The following BCL9 variants were observed in gnomAD, a reference collection of about 807,000 sequenced individuals.
BCL9 encodes BCL9 transcription coactivator.
Under a neutral mutation model 88.5 loss-of-function variants are expected in BCL9, and 25 were observed. The ratio of observed to expected loss-of-function variants is 0.28; its 90% CI spans 0.21 to 0.39. BCL9 has a LOEUF of 0.39. Ranked by LOEUF, BCL9 falls within the 10% of genes least tolerant of loss-of-function variation. BCL9 has a pLI of 1.00. For missense variants in BCL9, 1,817 were observed against 1,877.8 expected (o/e 0.97, Z 0.60); for synonymous variants, 711 against 673.3 (o/e 1.06, Z -0.87).
chr1:147,592,754 A>G (rs1404773909), intron 1 of BCL9, among the ~76,000 whole-genome samples: 1 of 152,222 alleles, frequency 6.6e-6, no homozygotes, highest in Non-Finnish European at 1.5e-5. Flanking sequence ...AAATGCAATA[A>G]TAAGAACCAA....
chr1:147,562,921 C>T (rs1434547720), intron 1 of BCL9, among the ~76,000 whole-genome samples: 3 of 152,158 alleles, frequency 2.0e-5, no homozygotes, highest in African/African-American at 7.2e-5. Context: ...GGATCTGGTC[C>T]CTGCTTTTCT....
chr1:147,620,094 A>G lies in BCL9; in HGVS notation c.1939A>G (p.Met647Val). 1.2e-6 allele frequency: 2 copies of G among 1,614,160 alleles called. No homozygotes were observed. The highest frequency in any genetic ancestry group is 1.7e-6 in the Non-Finnish European group (2 of 1,180,034). Reference sequence around the variant, plus strand: ...GAAACAGCTGGGTCTCCCCCCAGGGATGGCCATGGAAGGCATCAGGCCCAG... The same window carrying G: ...GAAACAGCTGGGTCTCCCCCCAGGGGTGGCCATGGAAGGCATCAGGCCCAG... ...AEKQLGLPPG[M>V]AMEGIRPSME... Residue 647 changes from methionine to valine, a missense_variant, in exon 8 of 10, where the codon ATG (methionine) becomes GTG (valine). Around this residue, in one of 2 missense-constraint regions of BCL9, gnomAD observed 1,228 missense variants for 1,191.6 expected, o/e 1.03. Coordinates refer to ENST00000234739, the MANE Select transcript of BCL9 (RefSeq NM_004326.4).
intron 1 of BCL9, among the ~76,000 whole-genome samples, chr1:147,577,467 A>C (rs1468847215): frequency 6.6e-6 from 1 of 152,074 alleles, no homozygotes; most frequent in Non-Finnish European, 1.5e-5. Context: ...TTTCTTCTGG[A>C]ATGTGTCTTT....
chr1:147,569,876 G>C (rs1274189410), intron 1 of BCL9, among the ~76,000 whole-genome samples: 3 of 152,088 alleles, frequency 2.0e-5, no homozygotes, highest in Non-Finnish European at 4.4e-5. Context: ...AAGAGTCTAA[G>C]ATGAATCAGG....
rs137949316 is a variant in BCL9, at chr1:147,624,902, C to A, written c.4224C>A (p.Asp1408Glu). 5 of 1,613,798 alleles carry A rather than the reference C, an allele frequency of 3.1e-6. No individual in the cohort carries two copies. Among genetic ancestry groups the A allele is most frequent in the Non-Finnish European group, 4.2e-6 (5 of 1,179,860 alleles). Residue 1408 changes from aspartate to glutamate, a missense_variant, in exon 10 of 10, where the codon GAC (aspartate) becomes GAA (glutamate). Coordinates refer to ENST00000234739, the MANE Select transcript of BCL9 (RefSeq NM_004326.4). The surrounding 1 kb of genome is among the most constrained non-coding windows in gnomAD (Gnocchi z 4.4). ...TGAGGCCCCGGGGCATGGCTGCTGACGTGGGCATGGGTGGATTTAGCCAAG... is the reference window on the plus strand; with the variant it reads ...TGAGGCCCCGGGGCATGGCTGCTGAAGTGGGCATGGGTGGATTTAGCCAAG... ...PQMRPRGMAA[D>E]VGMGGFSQGP...
At chr1:147,550,862 T>C (rs1553194732) in intron 1 of BCL9, among the ~76,000 whole-genome samples, 1 of 151,960 alleles carries the variant, frequency 6.6e-6, no homozygotes, top group African/African-American at 2.4e-5. Context: ...AAATAGCTTG[T>C]CTTAAGAATT....
At chr1:147,585,107 C>A (rs2101557977) in intron 1 of BCL9, among the ~76,000 whole-genome samples, 1 of 152,196 alleles carries the variant, frequency 6.6e-6, no homozygotes, top group South Asian at 2.1e-4. Context: ...TGGATTTTAC[C>A]ACAGAGGAGG....
intron 1 of BCL9, among the ~76,000 whole-genome samples, chr1:147,546,140 T>A (rs1161000638): frequency 6.6e-6 from 1 of 151,860 alleles, no homozygotes; most frequent in African/African-American, 2.4e-5. Context: ...ATCGAGACCA[T>A]CCTGGCTAAA....
chr1:147,573,314 G>A (rs782173254), intron 1 of BCL9, among the ~76,000 whole-genome samples: 7 of 152,154 alleles, frequency 4.6e-5, no homozygotes, highest in African/African-American at 7.2e-5. Context: ...TTACCCTGGC[G>A]TGGTGGCACA....
chr1:147,542,330 A>C (rs1654370057), intron 1 of BCL9, among the ~76,000 whole-genome samples: 1 of 152,220 alleles, frequency 6.6e-6, no homozygotes, highest in African/African-American at 2.4e-5. Flanking sequence ...TTCCAGTCTC[A>C]GGGATTCCTC....
Position 147,613,094 on chromosome 1 carries a change from G to A in BCL9, c.265G>A (p.Ala89Thr), listed in dbSNP as rs1042068596. ...TGGGAGCATGGGGCTGAAGAATGGG[G>A]CTGGAAATGGTGCCAAGGGCAAGGG... Reference protein sequence around the residue: ...PGGSMGLKNGAGNGAKGKGKR... With the variant: ...PGGSMGLKNGTGNGAKGKGKR... Residue 89 changes from alanine (A) to threonine (T), a missense_variant, in exon 5 of 10, where the codon GCT becomes ACT. Ala to Thr is a moderately conservative substitution (Grantham distance 58). Coordinates refer to ENST00000234739, the MANE Select transcript of BCL9 (RefSeq NM_004326.4). 2 of 1,614,060 alleles carry A rather than the reference G, an allele frequency of 1.2e-6. No individual in the cohort carries two copies. The highest frequency in any genetic ancestry group is 1.7e-5 in the Admixed American group (1 of 60,004).
chr1:147,564,618 A>C (rs1451573081), intron 1 of BCL9, among the ~76,000 whole-genome samples: 1 of 152,192 alleles, frequency 6.6e-6, no homozygotes, highest in Non-Finnish European at 1.5e-5. Context: ...ATCAAACTGT[A>C]GCTGTGAAGG....
At chr1:147,557,465 C>T (rs1296036559) in intron 1 of BCL9, among the ~76,000 whole-genome samples, 1 of 152,158 alleles carries the variant, frequency 6.6e-6, no homozygotes, top group African/African-American at 2.4e-5. Flanking sequence ...GAAGTCAGAT[C>T]TGGAGGATAT....
At chr1:147,577,840 G>C (rs1656179035) in intron 1 of BCL9, among the ~76,000 whole-genome samples, 1 of 150,802 alleles carries the variant, frequency 6.6e-6, no homozygotes, top group Non-Finnish European at 1.5e-5. Context: ...ACCAATGTGT[G>C]TGTGTGTGTG....
intron 1 of BCL9, among the ~76,000 whole-genome samples, chr1:147,555,498 T>A (rs1570813880): frequency 6.6e-6 from 1 of 152,360 alleles, no homozygotes; most frequent in Middle Eastern, 3.4e-3. Context: ...ATTCAATTAA[T>A]AACTAACGAT....
chr1:147,606,021 A>G (rs1393953611), intron 2 of BCL9, among the ~76,000 whole-genome samples: 6 of 152,200 alleles, frequency 3.9e-5, no homozygotes, highest in Non-Finnish European at 7.3e-5. Context: ...GAATCCTTCT[A>G]AAGATTCCTA....
Position 147,569,318 on chromosome 1 carries a change from G to A in BCL9, c.-478+27644G>A, listed in dbSNP as rs1327174550. 2.0e-5 allele frequency among the ~76,000 whole-genome samples: 3 copies of A among 150,328 alleles called. No homozygotes were observed. The Admixed American group carries it at 2.0e-4, about 10-fold the overall frequency. On this transcript the variant is annotated intron_variant, in intron 1 of 9. Transcript: ENST00000234739. ...TGAGCAAGGGGCCAGAAGAGGAAGG[G>A]TCTGTCTCATGATAAGAAATTTAAA... is the stretch of plus-strand genomic sequence containing the variant.
intron 1 of BCL9, among the ~76,000 whole-genome samples, chr1:147,569,970 GAGA>G (rs1441932183): frequency 1.3e-5 from 2 of 152,176 alleles, no homozygotes; most frequent in Non-Finnish European, 2.9e-5. Flanking sequence ...TCAGTCACAG[GAGA>G]AGATTAGTTC....
chr1:147,617,952 T>C (rs1658373556), intron 7 of BCL9, among the ~76,000 whole-genome samples: 1 of 152,174 alleles, frequency 6.6e-6, no homozygotes, highest in Admixed American at 6.5e-5. Context: ...AAGGTGTCCA[T>C]GTCACCTATT....
Sources: allele counts gnomAD v4.1 joint callset (sites outside exome capture counted in the v4.1 genomes callset), GRCh38; gene constraint gnomAD v4.1.1; regional missense constraint gnomAD v4.1.1; non-coding constraint Gnocchi (gnomAD v3.1); transcripts MANE v1.5; gene names NCBI Gene and HGNC (gene_info 2026-07-23, HGNC 2026-07-21).